The following USP42 variants were observed in gnomAD, a reference collection of about 807,000 sequenced individuals.
USP42 encodes ubiquitin specific peptidase 42.
Under a neutral mutation model 113.0 loss-of-function variants are expected in USP42, and 23 were observed. The observed-to-expected ratio is 0.20, with a 90% CI of 0.15 to 0.29. USP42 has a LOEUF of 0.29. Among genes scored for constraint, USP42 ranks in the 10% least tolerant of loss-of-function variants. The pLI is 1.00. For synonymous variants in USP42, 933 were observed against 699.0 expected, an observed-to-expected ratio of 1.33 and a Z score of -5.28; for missense variants, 2,174 against 1,779.8, an observed-to-expected ratio of 1.22 and a Z score of -3.99.
intron 14 of USP42, among the ~76,000 whole-genome samples, chr7:6,152,057 T>A (rs1319309952): frequency 6.6e-6 from 1 of 151,766 alleles, no homozygotes; most frequent in Non-Finnish European, 1.5e-5. Flanking sequence ...GTCATGTTAG[T>A]GAAGAATGTG....
In USP42 at chr7:6,147,761, G is replaced by A. The variant is rs751787723; in HGVS notation, c.1255G>A (p.Gly419Ser). 15 of 1,589,910 alleles carry A rather than the reference G, an allele frequency of 9.4e-6. No individual in the cohort carries two copies. The South Asian group carries it at 1.6e-4, about 17-fold the overall frequency. ...YIRSHDVKNG[G>S]ELTHPTHSPG... ...CAGGTCCCATGATGTGAAAAATGGA[G>A]GTGAACTTACTCATCCCACCCATAG... Residue 419 changes from glycine (G) to serine (S), a missense_variant, in exon 12 of 18, where the codon GGT becomes AGT. Physicochemically the swap from Gly to Ser is moderately conservative, Grantham distance 56. Coordinates refer to ENST00000306177, the MANE Select transcript of USP42 (RefSeq NM_032172.3).
At chr7:6,090,133 T>C in the USP42 span, among the ~76,000 whole-genome samples, 1 of 147,958 alleles carries the variant, frequency 6.8e-6, no homozygotes, top group South Asian at 2.1e-4. Flanking sequence ...AACCCCCGCC[T>C]CTACTAAAAA....
chr7:6,145,462 T>C (rs1158238612), intron 9 of USP42, 54 bp from the exon 10 acceptor site: 3 of 1,608,860 alleles, frequency 1.9e-6, no homozygotes, highest in Admixed American at 1.7e-5. Flanking sequence ...TACCTGAATA[T>C]GTGGAATGAT....
intron 3 of USP42, among the ~76,000 whole-genome samples, chr7:6,125,628 A>T (rs1780496539): frequency 6.6e-6 from 1 of 152,100 alleles, no homozygotes; most frequent in South Asian, 2.1e-4. Context: ...TTCATTTTAA[A>T]AGTTTTGTTT....
chr7:6,119,318 A>C (rs1028626410), intron 3 of USP42, among the ~76,000 whole-genome samples: 4 of 152,128 alleles, frequency 2.6e-5, no homozygotes, highest in Non-Finnish European at 5.9e-5. Context: ...ACAAAAAATA[A>C]AAAAAATTCT....
At chr7:6,119,046 C>G (rs76069851) in intron 3 of USP42, among the ~76,000 whole-genome samples, 8,493 of 149,204 alleles carry the variant, frequency 0.057, 484 homozygotes, top group East Asian at 0.27. Flanking sequence ...AAGACCCTGT[C>G]TCTCCAAAAA....
intron 2 of USP42, among the ~76,000 whole-genome samples, chr7:6,112,913 T>C (rs1779679085): frequency 6.8e-6 from 1 of 147,654 alleles, no homozygotes; most frequent in South Asian, 2.2e-4. Context: ...TTTTTTTTTT[T>C]TTTTTTTTGA....
chr7:6,131,946 C>CT (rs1161581139), intron 3 of USP42, among the ~76,000 whole-genome samples: 1 of 151,982 alleles, frequency 6.6e-6, no homozygotes, highest in Admixed American at 6.6e-5. Flanking sequence ...CATTATTTGT[C>CT]TTTTTTGAGA....
chr7:6,086,200 T>A, the USP42 span, among the ~76,000 whole-genome samples: 1 of 144,096 alleles, frequency 6.9e-6, no homozygotes, highest in African/African-American at 2.8e-5. Flanking sequence ...CTCACCTGGC[T>A]AATTTTTTTT....
chr7:6,124,020 C>T (rs1036449101), intron 3 of USP42, among the ~76,000 whole-genome samples: 1 of 152,016 alleles, frequency 6.6e-6, no homozygotes, highest in Admixed American at 6.6e-5. Flanking sequence ...GGATTACAGA[C>T]ATGCGCCGCC....
At position 6,155,178 on chromosome 7, in the gene USP42, C is replaced by T. The variant is rs752550552; in HGVS notation, c.3624C>T (p.His1208=). 2.7e-5 allele frequency: 41 copies of T among 1,534,452 alleles called. No homozygotes were observed. Among genetic ancestry groups the T allele is most frequent in the Non-Finnish European group, 3.6e-5 (41 of 1,145,022 alleles). Residue 1208 remains histidine, a synonymous_variant, in exon 15 of 18, where the codon CAC becomes CAT. Transcript: ENST00000306177. The part of the protein sequence containing the change: ...SKKKKKSKDK[H]RDRDSRHQQD... Reference sequence around the variant, plus strand: ...AGAAAAAGAAATCCAAAGACAAACACCGAGACCGCGACTCCAGGTGAGCCT... The same window carrying T: ...AGAAAAAGAAATCCAAAGACAAACATCGAGACCGCGACTCCAGGTGAGCCT...
intron 17 of USP42, 45 bp from the exon 18 acceptor site, chr7:6,160,510 G>A (rs575412043): frequency 9.2e-5 from 14 of 152,770 alleles, no homozygotes; most frequent in South Asian, 2.1e-4. Flanking sequence ...CCTACACGCC[G>A]CCGCCTGCCT....
rs779254186 is a variant in USP42, at chr7:6,139,059, T to TAAAGC, written c.554-33_554-32insAAAGC. ...TACAACTTAGGCTTATTACGTGTAA[T>TAAAGC]GATAAAGCCTTGTCTTTACCGAAAT... On this transcript the variant is annotated intron_variant, in intron 4 of 17. Coordinates refer to ENST00000306177, the MANE Select transcript of USP42 (RefSeq NM_032172.3). This position sits in a 1 kb window ranked among gnomAD's most constrained non-coding sequence, Gnocchi z 4.5. 2.1e-6 allele frequency: 3 copies of TAAAGC among 1,447,846 alleles called. No individual in the cohort carries two copies. The African/African-American group carries it at 4.2e-5, about 20-fold the overall frequency. 89.7% of individuals were successfully genotyped at this position (1,447,846 alleles called of 1,614,324 possible). A position where few individuals can be genotyped will look rare whatever the true frequency, so the allele number is the denominator to read the frequency against.
Position 6,132,874 on chromosome 7 carries a change from G to A in USP42, c.443-2967G>A, listed in dbSNP as rs367675308. On this transcript the variant is annotated intron_variant, in intron 3 of 17. Coordinates refer to ENST00000306177, the MANE Select transcript of USP42 (RefSeq NM_032172.3). The stretch of plus-strand genomic sequence containing the variant: ...TTTTTAGTAGAGACGGGGTTTCACC[G>A]TGTTAGCCAGGATGGTCTCGATCTT... Among the ~76,000 whole-genome samples the A allele has an allele frequency of 4.0e-3, 608 of 152,138 alleles. 2 individuals are homozygous for A. The highest frequency in any genetic ancestry group is 0.014 in the African/African-American group (581 of 41,506).
chr7:6,143,348 T>C (rs1339605816), intron 8 of USP42, among the ~76,000 whole-genome samples: 3 of 152,186 alleles, frequency 2.0e-5, no homozygotes, highest in Non-Finnish European at 4.4e-5. Context: ...GCATTTTCAT[T>C]GACTTTCTTA....
At chr7:6,126,944 C>T (rs1437052987) in intron 3 of USP42, among the ~76,000 whole-genome samples, 1 of 152,152 alleles carries the variant, frequency 6.6e-6, no homozygotes, top group South Asian at 2.1e-4. Context: ...AAGAAACTGC[C>T]AAAGCAATAT....
chr7:6,151,770 G>A (rs934581955), intron 14 of USP42, among the ~76,000 whole-genome samples: 1 of 152,066 alleles, frequency 6.6e-6, no homozygotes, highest in East Asian at 1.9e-4. Flanking sequence ...CCATTGTCAT[G>A]TATTATGTAC....
In USP42 at chr7:6,143,055, C is replaced by T. The variant is rs546862489; in HGVS notation, c.878+41C>T. 66 of 1,603,626 alleles carry T rather than the reference C, an allele frequency of 4.1e-5. No individual in the cohort carries two copies. In the East Asian group the frequency reaches 1.4e-3, roughly 34 times the overall value. ...ACTTGATTCTTGATGCCGGCTTCTC[C>T]AGTGGGGATGGCCGGCAGGCTTGGT... On this transcript the variant is annotated intron_variant, in intron 8 of 17. Coordinates refer to ENST00000306177, the MANE Select transcript of USP42 (RefSeq NM_032172.3).
Position 6,139,332 on chromosome 7 carries a change from TCTTC to T in USP42, c.656+142_656+145del. 1 of 614,802 alleles carries T rather than the reference TCTTC, an allele frequency of 1.6e-6. No homozygotes were observed. The highest frequency in any genetic ancestry group is 2.6e-5 in the South Asian group (1 of 38,956). The allele number at this position is 614,802 out of a possible 1,614,324, so 38.1% of individuals were successfully genotyped here. On this transcript the variant is annotated intron_variant, in intron 5 of 17. Transcript: ENST00000306177. The surrounding 1 kb of genome is among the most constrained non-coding windows in gnomAD (Gnocchi z 4.5). ...CTTTACCTTTTGGCTTTGCTCTGCC[TCTTC>T]CTTAGGTGATGTGCATTATTTTAAA... is the stretch of plus-strand genomic sequence containing the variant.
Sources: allele counts gnomAD v4.1 joint callset (sites outside exome capture counted in the v4.1 genomes callset), GRCh38; gene constraint gnomAD v4.1.1; non-coding constraint Gnocchi (gnomAD v3.1); transcripts MANE v1.5; gene names NCBI Gene and HGNC (gene_info 2026-07-23, HGNC 2026-07-21).